Variants in MGMT observed in about 807,000 individuals in gnomAD.
MGMT encodes O-6-methylguanine-DNA methyltransferase.
In MGMT, 14 loss-of-function variants were observed where a neutral mutation model predicts 15.9. The observed-to-expected ratio is 0.88, with a 90% CI of 0.58 to 1.37. The LOEUF (loss-of-function observed/expected upper bound fraction) is 1.37. MGMT is among the 40% of genes most tolerant of loss of function. The probability of loss-of-function intolerance (pLI) is 0.00; values close to 1 mark genes in which losing one functional copy is unlikely to be tolerated. For synonymous variants in MGMT, 130 were observed against 118.2 expected (o/e 1.10, Z -0.65); for missense variants, 282 against 268.1 (o/e 1.05, Z -0.36).
intron 2 of MGMT, among the ~76,000 whole-genome samples, chr10:129,648,093 C>A (rs1041609097): frequency 2.0e-5 from 3 of 152,054 alleles, no homozygotes; most frequent in African/African-American, 7.2e-5. Context: ...TAGTATATAT[C>A]AAAATCTAGA....
chr10:129,583,846 T>C (rs1048670796), intron 2 of MGMT, among the ~76,000 whole-genome samples: 3 of 151,972 alleles, frequency 2.0e-5, no homozygotes, highest in Admixed American at 1.3e-4. Flanking sequence ...GTCTTGACTT[T>C]CGTTTTGTTT....
At chr10:129,574,838 CT>C (rs1331234324) in intron 2 of MGMT, among the ~76,000 whole-genome samples, 4 of 152,130 alleles carry the variant, frequency 2.6e-5, no homozygotes, top group Non-Finnish European at 5.9e-5. Flanking sequence ...GCCTTCATAG[CT>C]TTTTCAAAGG....
chr10:129,662,357 G>A (rs751201046), intron 2 of MGMT, among the ~76,000 whole-genome samples: 109 of 152,132 alleles, frequency 7.2e-4, no homozygotes, highest in Non-Finnish European at 1.5e-3. Flanking sequence ...TGACTGAGGG[G>A]CCTCCCAGGA....
At chr10:129,526,312 C>T (rs1464804116) in intron 1 of MGMT, among the ~76,000 whole-genome samples, 1 of 152,188 alleles carries the variant, frequency 6.6e-6, no homozygotes, top group African/African-American at 2.4e-5. Flanking sequence ...CCCAATGCCC[C>T]TTATTCCCTG....
At chr10:129,733,332 G>GT (rs912115277) in intron 3 of MGMT, among the ~76,000 whole-genome samples, 3 of 152,096 alleles carry the variant, frequency 2.0e-5, no homozygotes, top group South Asian at 4.2e-4. Flanking sequence ...TTTTTCATGT[G>GT]TTTTTTGGCT....
chr10:129,699,077 GTTT>G (rs751162830), intron 2 of MGMT, among the ~76,000 whole-genome samples: 3 of 152,106 alleles, frequency 2.0e-5, no homozygotes, highest in Non-Finnish European at 4.4e-5. Flanking sequence ...GTTTTGGGGT[GTTT>G]TTATCTTCAT....
chr10:129,743,942 C>T (rs1325903047), intron 3 of MGMT, among the ~76,000 whole-genome samples: 4 of 152,180 alleles, frequency 2.6e-5, no homozygotes, highest in South Asian at 2.1e-4. Flanking sequence ...GTGGAGGCCC[C>T]GCAGCGCTCA....
At chr10:129,490,396 A>G (rs76796389) in intron 1 of MGMT, among the ~76,000 whole-genome samples, 5,726 of 152,314 alleles carry the variant, frequency 0.038, 163 homozygotes, top group South Asian at 0.067. Flanking sequence ...GCCACTAAGA[A>G]TCATCCTTTA....
chr10:129,763,438 C>T (rs1317062972), intron 4 of MGMT, among the ~76,000 whole-genome samples: 3 of 152,180 alleles, frequency 2.0e-5, no homozygotes, highest in Admixed American at 6.6e-5. Context: ...CCCATCACAG[C>T]ATGCTAAGGT....
chr10:129,620,516 A>C (rs1352277990), intron 2 of MGMT, among the ~76,000 whole-genome samples: 1 of 152,222 alleles, frequency 6.6e-6, no homozygotes, highest in Non-Finnish European at 1.5e-5. Flanking sequence ...ATTTGCTAGT[A>C]GGTGCCTAAT....
intron 3 of MGMT, among the ~76,000 whole-genome samples, chr10:129,732,071 T>G (rs1338994619): frequency 6.6e-6 from 1 of 152,206 alleles, no homozygotes; most frequent in African/African-American, 2.4e-5. Context: ...GACCACATTT[T>G]GAGAATCTCT....
At position 129,730,068 on chromosome 10, in the gene MGMT, C is replaced by T. The variant is rs568500963; in HGVS notation, c.274+22025C>T. Among the ~76,000 whole-genome samples, 36 of 152,306 alleles carry T rather than the reference C, an allele frequency of 2.4e-4. No individual in the cohort carries two copies. In the South Asian group the frequency reaches 4.1e-3, roughly 18 times the overall value. The stretch of plus-strand genomic sequence containing the variant: ...GAAGTGTCTACTGGTAAAGCCAGCA[C>T]GACTTCTCCTCCCTTCTGAACACCA... On this transcript the variant is annotated intron_variant, in intron 3 of 4. Coordinates refer to ENST00000651593, the MANE Select transcript of MGMT (RefSeq NM_002412.5).
intron 2 of MGMT, among the ~76,000 whole-genome samples, chr10:129,636,004 A>G (rs938910343): frequency 1.3e-5 from 2 of 152,226 alleles, no homozygotes; most frequent in African/African-American, 4.8e-5. Context: ...TAAAATATGC[A>G]TGCTCTTGGC....
intron 2 of MGMT, 39 bp from the exon 3 acceptor site, chr10:129,707,856 G>A (rs924594915): frequency 1.9e-6 from 3 of 1,607,256 alleles, no homozygotes; most frequent in Non-Finnish European, 1.7e-6. Context: ...TGGAGGCAGG[G>A]CCCAGAGGTT....
intron 2 of MGMT, among the ~76,000 whole-genome samples, chr10:129,623,927 C>T (rs2133077484): frequency 6.6e-6 from 1 of 152,354 alleles, no homozygotes; most frequent in Middle Eastern, 3.4e-3. Context: ...GCCATTCTGC[C>T]ATCTCAGCCA....
At chr10:129,647,171 C>G (rs1847406688) in intron 2 of MGMT, among the ~76,000 whole-genome samples, 1 of 152,136 alleles carries the variant, frequency 6.6e-6, no homozygotes, top group African/African-American at 2.4e-5. Flanking sequence ...AGGCACTTCA[C>G]CTGCTCTGCG....
chr10:129,577,256 G>A (rs1291772617), intron 2 of MGMT, among the ~76,000 whole-genome samples: 2 of 152,066 alleles, frequency 1.3e-5, no homozygotes, highest in African/African-American at 4.8e-5. Context: ...GAACAAAGCT[G>A]GAGGCATCAC....
Position 129,659,606 on chromosome 10 carries a change from G to A in MGMT, c.126-48289G>A, listed in dbSNP as rs952693413. On this transcript the variant is annotated intron_variant, in intron 2 of 4. Transcript: ENST00000651593. The surrounding 1 kb of genome is among the most constrained non-coding windows in gnomAD (Gnocchi z 4.1). Reference sequence around the variant, plus strand: ...TTAATGATGAGTTAGTGCAAATTGAGGGGTGAGGAAGTAGCATGTACAAAG... The same window carrying A: ...TTAATGATGAGTTAGTGCAAATTGAAGGGTGAGGAAGTAGCATGTACAAAG... 1.3e-5 allele frequency among the ~76,000 whole-genome samples: 2 copies of A among 152,178 alleles called. No individual in the cohort carries two copies. Among genetic ancestry groups the A allele is most frequent in the Non-Finnish European group, 2.9e-5 (2 of 68,036 alleles).
At chr10:129,563,509 A>G (rs1426659327) in intron 2 of MGMT, among the ~76,000 whole-genome samples, 1 of 152,164 alleles carries the variant, frequency 6.6e-6, no homozygotes, top group Admixed American at 6.5e-5. Flanking sequence ...TACTGCTGTA[A>G]GATAAATGGT....
Sources: allele counts gnomAD v4.1 joint callset (sites outside exome capture counted in the v4.1 genomes callset), GRCh38; gene constraint gnomAD v4.1.1; non-coding constraint Gnocchi (gnomAD v3.1); transcripts MANE v1.5; gene names NCBI Gene and HGNC (gene_info 2026-07-23, HGNC 2026-07-21).